Variants in NIPA2 observed in about 807,000 individuals in gnomAD.
NIPA2 encodes the protein NIPA magnesium transporter 2.
Under a neutral mutation model 29.7 loss-of-function variants are expected in NIPA2, and 11 were observed. That is an observed-to-expected ratio of 0.37 (90% CI 0.23 to 0.61). The LOEUF (loss-of-function observed/expected upper bound fraction) is 0.61, where lower values mean the gene tolerates loss of function less well. NIPA2 is among the 20% of genes least tolerant of loss of function. The probability of loss-of-function intolerance (pLI) is 0.66; values close to 1 mark genes in which losing one functional copy is unlikely to be tolerated. For missense variants in NIPA2, 426 were observed against 437.9 expected, an observed-to-expected ratio of 0.97 and a Z score of 0.24; for synonymous variants, 183 against 161.9, an observed-to-expected ratio of 1.13 and a Z score of -0.99.
chr15:22,844,121 C>T (rs2141031187), intron 2 of NIPA2, among the ~76,000 whole-genome samples: 1 of 152,310 alleles, frequency 6.6e-6, no homozygotes, highest in East Asian at 1.9e-4. Context: ...TTGCCTGTTT[C>T]TTAAATCATG....
intron 3 of NIPA2, among the ~76,000 whole-genome samples, chr15:22,846,836 TAATA>T (rs1898827109): frequency 2.2e-5 from 3 of 134,504 alleles, no homozygotes; most frequent in African/African-American, 8.6e-5. Flanking sequence ...ATAATAATAA[TAATA>T]ATTATTATTA....
At chr15:22,850,152 G>A (rs1257600676) in intron 3 of NIPA2, among the ~76,000 whole-genome samples, 1 of 152,034 alleles carries the variant, frequency 6.6e-6, no homozygotes, top group East Asian at 1.9e-4. Flanking sequence ...GCCTGTTTGT[G>A]TGTGTGAGTT....
chr15:22,862,064 T>TTTTTTTTTTTA (rs2058665264), intron 7 of NIPA2, among the ~76,000 whole-genome samples: 9 of 147,852 alleles, frequency 6.1e-5, no homozygotes, highest in South Asian at 2.2e-4. Context: ...TTTTTTTTTT[T>TTTTTTTTTTTA]GAGACAGAGT....
In NIPA2 at chr15:22,866,837, C is replaced by G; in HGVS notation, c.1073C>G (p.Thr358Arg). ...GTCTCCCGAAGAAATGGAAATCTGA[C>G]AGCTTTTTAAGAAAGGTGTAATTAA... Reference protein sequence around the residue: ...ENVSRRNGNLTAF With the variant: ...ENVSRRNGNLRAF The change falls in exon 8 of 8, where the codon ACA (threonine) becomes AGA (arginine). Residue 358 changes from threonine (T) to arginine (R), a missense_variant. Physicochemically the swap from Thr to Arg is moderately conservative, Grantham distance 71 (BLOSUM62 -1). This residue lies in a region of NIPA2 where 357 missense variants were observed against 339.8 expected (regional missense o/e 1.05). Transcript: ENST00000337451. The G allele has an allele frequency of 6.3e-7, 1 of 1,583,810 alleles. No homozygotes were observed. The highest frequency in any genetic ancestry group is 1.7e-4 in the Middle Eastern group (1 of 5,942).
intron 5 of NIPA2, among the ~76,000 whole-genome samples, chr15:22,854,129 C>T (rs12914334): frequency 0.42 from 63,491 of 150,010 alleles, 16,373 homozygotes; most frequent in African/African-American, 0.71. Flanking sequence ...CCAGCCGTTA[C>T]TTATTTATTT....
At position 22,862,049 on chromosome 15, in the gene NIPA2, C is replaced by CTCTTTTTTTTTT. The variant is rs1555387456; in HGVS notation, c.448+1261_448+1262insCTTTTTTTTTTT. On this transcript the variant is annotated intron_variant, in intron 7 of 7. Coordinates refer to ENST00000337451, the MANE Select transcript of NIPA2 (RefSeq NM_030922.7). Reference sequence around the variant, plus strand: ...ACCATGCCTCGCCTGATGGGTCTCTCTTTTTTTTTTTTTTTGAGACAGAGT... The same window carrying CTCTTTTTTTTTT: ...ACCATGCCTCGCCTGATGGGTCTCTCTCTTTTTTTTTTTTTTTTTTTTTTTTTGAGACAGAGT... Among the ~76,000 whole-genome samples, 99 of 103,938 alleles carry CTCTTTTTTTTTT rather than the reference C, an allele frequency of 9.5e-4. 2 individuals are homozygous for CTCTTTTTTTTTT. Among genetic ancestry groups the CTCTTTTTTTTTT allele is most frequent in the East Asian group, 2.3e-3 (6 of 2,618 alleles). The allele number at this position is 103,938 out of a possible 152,430, so 68.2% of individuals were successfully genotyped here.
chr15:22,842,626 C>G (rs1322627677), intron 2 of NIPA2, among the ~76,000 whole-genome samples: 6 of 151,926 alleles, frequency 3.9e-5, no homozygotes, highest in Non-Finnish European at 4.4e-5. Flanking sequence ...GTCAGGAGTT[C>G]AAGACCAGCC....
rs1187519253 is a variant in NIPA2, at chr15:22,851,869, A to G, written c.138A>G (p.Ala46=). The G allele has an allele frequency of 6.2e-6, 10 of 1,612,836 alleles. No homozygotes were observed. The highest frequency in any genetic ancestry group is 8.5e-6 in the Non-Finnish European group (10 of 1,179,574). The part of the protein sequence containing the change: ...LRLARKGSMR[A]GQGGHAYLKE... ...TTGCCAGGAAAGGCTCTATGAGAGC[A>G]GGTAGGTTATGCCTTATGTGACTTT... The change falls in exon 4 of 8, where the codon GCA becomes GCG. Residue 46 remains alanine (A), a splice_region_variant and synonymous_variant. Transcript: ENST00000337451.
chr15:22,844,553 CAAA>C lies in NIPA2; in HGVS notation c.-215-584_-215-582del, dbSNP rs5811283. Among the ~76,000 whole-genome samples the C allele has an allele frequency of 1.6e-3, 233 of 144,552 alleles. 1 individual carries two copies. Among genetic ancestry groups the C allele is most frequent in the African/African-American group, 5.6e-3 (224 of 39,996 alleles). 94.8% of individuals were successfully genotyped at this position (144,552 alleles called of 152,430 possible). A position where few individuals can be genotyped will look rare whatever the true frequency, so the allele number is the denominator to read the frequency against. On this transcript the variant is annotated intron_variant, in intron 2 of 7. Transcript: ENST00000337451. ...CGGGCGACAGTGCAAGACTGTGACT[CAAA>C]AAAAAAAAGAGTTTGTTAAAATGTA...
chr15:22,862,049 C>CTTTTTTTTTTTTTTTTTTTTTTTTTTTT (rs57513456), intron 7 of NIPA2, among the ~76,000 whole-genome samples: 2 of 103,978 alleles, frequency 1.9e-5, no homozygotes, highest in African/African-American at 7.5e-5. Context: ...ATGGGTCTCT[C>CTTTTTTTTTTTTTTTTTTTTTTTTTTTT]TTTTTTTTTT....
At chr15:22,861,686 T>C (rs1273379822) in intron 7 of NIPA2, among the ~76,000 whole-genome samples, 1 of 152,144 alleles carries the variant, frequency 6.6e-6, no homozygotes, top group African/African-American at 2.4e-5. Context: ...GTCTGAAATT[T>C]CCCACTGACA....
chr15:22,863,827 C>T (rs1330348704), intron 7 of NIPA2, among the ~76,000 whole-genome samples: 1 of 152,168 alleles, frequency 6.6e-6, no homozygotes, highest in East Asian at 1.9e-4. Flanking sequence ...GCTGATTCTT[C>T]TCTTTTCTCT....
At chr15:22,848,709 C>G (rs1291718816) in intron 3 of NIPA2, among the ~76,000 whole-genome samples, 17 of 151,130 alleles carry the variant, frequency 1.1e-4, no homozygotes, top group Non-Finnish European at 4.4e-5. Flanking sequence ...GCCTGTAGTC[C>G]CAGCTACTCA....
chr15:22,851,130 T>G lies in NIPA2; in HGVS notation c.-93-509T>G, dbSNP rs893331777. On this transcript the variant is annotated intron_variant, in intron 3 of 7. Coordinates refer to ENST00000337451, the MANE Select transcript of NIPA2 (RefSeq NM_030922.7). Reference sequence around the variant, plus strand: ...CTCTGCAAGAATTGTTACCCTCTGATAAATAATGTGAAATCTGCCTTCTCT... The same window carrying G: ...CTCTGCAAGAATTGTTACCCTCTGAGAAATAATGTGAAATCTGCCTTCTCT... Among the ~76,000 whole-genome samples, 6 of 152,318 alleles carry G rather than the reference T, an allele frequency of 3.9e-5. No homozygotes were observed. In the Middle Eastern group the frequency reaches 0.01, roughly 259 times the overall value.
chr15:22,852,865 A>G (rs942500796), intron 4 of NIPA2, among the ~76,000 whole-genome samples: 6 of 152,144 alleles, frequency 3.9e-5, no homozygotes, highest in African/African-American at 1.4e-4. Flanking sequence ...TCCCTGTGCC[A>G]TCTCTGTGGC....
intron 3 of NIPA2, among the ~76,000 whole-genome samples, chr15:22,846,282 C>G (rs1376286214): frequency 6.6e-6 from 1 of 152,090 alleles, no homozygotes; most frequent in African/African-American, 2.4e-5. Flanking sequence ...GCAACTGTAC[C>G]TGTGCCTGGT....
intron 2 of NIPA2, among the ~76,000 whole-genome samples, chr15:22,841,753 C>T (rs1041131408): frequency 3.3e-5 from 5 of 152,124 alleles, no homozygotes; most frequent in African/African-American, 9.7e-5. Context: ...ATGATCCACC[C>T]GCCTCGACCT....
intron 3 of NIPA2, among the ~76,000 whole-genome samples, chr15:22,849,278 CTT>C (rs2057532417): frequency 6.6e-6 from 1 of 151,808 alleles, no homozygotes; most frequent in Admixed American, 6.6e-5. Flanking sequence ...GATTGTTCAG[CTT>C]CTTTCTTTTT....
chr15:22,846,277 T>C (rs1056584998), intron 3 of NIPA2, among the ~76,000 whole-genome samples: 3 of 152,104 alleles, frequency 2.0e-5, no homozygotes, highest in African/African-American at 7.2e-5. Context: ...AAGCAGCAAC[T>C]GTACCTGTGC....
Sources: gnomAD v4.1 joint callset for allele counts (sites outside exome capture counted in the v4.1 genomes callset) on GRCh38, gnomAD v4.1.1 for gene constraint, gnomAD v4.1.1 regional missense constraint, MANE v1.5 for transcripts, NCBI Gene and HGNC (gene_info 2026-07-23, HGNC 2026-07-21) for gene names.